The following RHBDD1 variants were observed in gnomAD, a reference collection of about 807,000 sequenced individuals.
RHBDD1 encodes rhomboid-related protein 4.
A neutral mutation model predicts 36.3 loss-of-function variants in RHBDD1; 38 were observed. The ratio of observed to expected loss-of-function variants is 1.05; its 90% confidence interval spans 0.81 to 1.37. The LOEUF (loss-of-function observed/expected upper bound fraction) is 1.37, where lower values mean the gene tolerates loss of function less well. Ranked by LOEUF, RHBDD1 falls within the 40% of genes most tolerant of loss-of-function variation. RHBDD1 has a pLI of 0.00. For synonymous variants in RHBDD1, 151 were observed against 136.5 expected, an observed-to-expected ratio of 1.11 and a Z score of -0.74; for missense variants, 393 against 377.6, an observed-to-expected ratio of 1.04 and a Z score of -0.34.
chr2:226,868,265 C>G (rs998158377), intron 5 of RHBDD1, among the ~76,000 whole-genome samples: 2 of 152,114 alleles, frequency 1.3e-5, no homozygotes, highest in African/African-American at 4.8e-5. Flanking sequence ...TGAATTTTTT[C>G]CCTTACAGAG....
At chr2:226,989,113 C>T (rs1957625194) in intron 8 of RHBDD1, among the ~76,000 whole-genome samples, 1 of 152,190 alleles carries the variant, frequency 6.6e-6, no homozygotes. Context: ...GGTTTGAGTT[C>T]CTGACTCAGC....
At chr2:226,985,535 T>C (rs1956741091) in intron 8 of RHBDD1, among the ~76,000 whole-genome samples, 1 of 152,234 alleles carries the variant, frequency 6.6e-6, no homozygotes, top group African/African-American at 2.4e-5. Context: ...CTGGCAGATA[T>C]AAATACCAGA....
At chr2:226,946,626 A>T (rs1028410002) in intron 8 of RHBDD1, among the ~76,000 whole-genome samples, 1 of 152,214 alleles carries the variant, frequency 6.6e-6, no homozygotes, top group South Asian at 2.1e-4. Flanking sequence ...AGAAGAATCA[A>T]ATAGACACAA....
At chr2:226,908,564 T>G in intron 6 of RHBDD1, 1 of 420,502 alleles carries the variant, frequency 2.4e-6, no homozygotes, top group Non-Finnish European at 4.3e-6. Flanking sequence ...GAGTGTAAAT[T>G]AGGGTTTCAT....
intron 5 of RHBDD1, among the ~76,000 whole-genome samples, chr2:226,887,211 A>G (rs529184270): frequency 8.5e-5 from 13 of 152,302 alleles, no homozygotes; most frequent in African/African-American, 3.1e-4. Flanking sequence ...GACTAATATT[A>G]TAAAAACTTT....
At chr2:226,895,176 C>T (rs2217359) in intron 5 of RHBDD1, among the ~76,000 whole-genome samples, 70,388 of 152,058 alleles carry the variant, frequency 0.46, 16,629 homozygotes, top group African/African-American at 0.56. Flanking sequence ...TAGACAGACA[C>T]GCTTGTCACA....
At chr2:226,884,407 T>C (rs1375670044) in intron 5 of RHBDD1, among the ~76,000 whole-genome samples, 3 of 152,106 alleles carry the variant, frequency 2.0e-5, no homozygotes, top group African/African-American at 7.2e-5. Flanking sequence ...GTTCCCTCCA[T>C]TTAAAGTTGG....
chr2:226,972,183 G>A (rs1463676579), intron 8 of RHBDD1, among the ~76,000 whole-genome samples: 1 of 152,022 alleles, frequency 6.6e-6, no homozygotes, highest in African/African-American at 2.4e-5. Flanking sequence ...GCGGTGTTTG[G>A]TTTTCTGTTC....
chr2:226,896,225 A>C (rs921608489), intron 5 of RHBDD1, among the ~76,000 whole-genome samples: 4 of 152,182 alleles, frequency 2.6e-5, no homozygotes, highest in African/African-American at 7.2e-5. Flanking sequence ...AGGCCTCTCA[A>C]AGCAAAGAAA....
rs116211247 is a variant in RHBDD1 at position 226,859,528 on chromosome 2, G to T, written c.-90-5076G>T. ...CAATCTTCCATGGATACCCAGGGAT[G>T]AGTGCATTTACTAAGCATGGACCAT... On this transcript the variant is annotated intron_variant, in intron 3 of 8. Transcript: ENST00000392062. Among the ~76,000 whole-genome samples the T allele has an allele frequency of 5.4e-3, 819 of 152,328 alleles. 9 individuals are homozygous for T. The highest frequency in any genetic ancestry group is 0.019 in the African/African-American group (772 of 41,562).
chr2:226,951,131 A>T (rs761787997), intron 8 of RHBDD1, among the ~76,000 whole-genome samples: 3 of 152,092 alleles, frequency 2.0e-5, no homozygotes, highest in African/African-American at 4.8e-5. Flanking sequence ...ATCTATTTCA[A>T]GTGGATTTTT....
the RHBDD1 span, among the ~76,000 whole-genome samples, chr2:226,814,190 C>A: frequency 6.6e-6 from 1 of 152,206 alleles, no homozygotes; most frequent in Admixed American, 6.5e-5. Flanking sequence ...AACATGATAT[C>A]TTGTCTATAA....
chr2:226,930,013 TACAA>T (rs1354857126), intron 8 of RHBDD1, among the ~76,000 whole-genome samples: 1 of 151,980 alleles, frequency 6.6e-6, no homozygotes, highest in Non-Finnish European at 1.5e-5. Flanking sequence ...TCATAGATGA[TACAA>T]ACAAACAAAT....
At chr2:226,823,004 T>C in the RHBDD1 span, among the ~76,000 whole-genome samples, 1 of 152,178 alleles carries the variant, frequency 6.6e-6, no homozygotes. Flanking sequence ...TGTGTGCCTG[T>C]CATCCCAGCT....
At chr2:226,853,977 A>G (rs561462737) in intron 3 of RHBDD1, among the ~76,000 whole-genome samples, 1 of 135,674 alleles carries the variant, frequency 7.4e-6, no homozygotes, top group South Asian at 2.1e-4. Context: ...AGGTGGAACT[A>G]ATTTCTTCTA....
chr2:226,948,570 AAAAAAAAAAAAAAAACG>A (rs1951177198), intron 8 of RHBDD1, among the ~76,000 whole-genome samples: 2 of 43,080 alleles, frequency 4.6e-5, no homozygotes, highest in Non-Finnish European at 8.7e-5. Flanking sequence ...AGTATAAAAA[AAAAAAAAAAAAAAAACG>A]AAAAAAATAA....
rs115733127 is a variant in RHBDD1 at position 226,968,466 on chromosome 2, C to G, written c.857-26965C>G. ...CTTAAGGCCTTTTAACCGATTGAATCAGGCTCATCCACATTATCTAAAATA... is the reference window on the plus strand; with the variant it reads ...CTTAAGGCCTTTTAACCGATTGAATGAGGCTCATCCACATTATCTAAAATA... On this transcript the variant is annotated intron_variant, in intron 8 of 8. Coordinates refer to ENST00000392062, the MANE Select transcript of RHBDD1 (RefSeq NM_001167608.3). Among the ~76,000 whole-genome samples, 519 of 152,306 alleles carry G rather than the reference C, an allele frequency of 3.4e-3. 2 individuals carry two copies. Among genetic ancestry groups the G allele is most frequent in the Non-Finnish European group, 6.2e-3 (419 of 68,024 alleles).
intron 8 of RHBDD1, 92 bp from the exon 9 acceptor site, chr2:226,995,339 C>A: frequency 6.6e-6 from 5 of 763,136 alleles, no homozygotes; most frequent in South Asian, 1.6e-5. Flanking sequence ...AAGATGACAC[C>A]CAAGCTATCA....
chr2:226,812,684 AC>A, the RHBDD1 span, among the ~76,000 whole-genome samples: 1 of 151,600 alleles, frequency 6.6e-6, no homozygotes, highest in Non-Finnish European at 1.5e-5. Context: ...TTTTATATAC[AC>A]AGAAAAATTC....
Sources: gnomAD v4.1 joint callset for allele counts (sites outside exome capture counted in the v4.1 genomes callset) on GRCh38, gnomAD v4.1.1 for gene constraint, MANE v1.5 for transcripts, NCBI Gene and HGNC (gene_info 2026-07-23, HGNC 2026-07-21) for gene names.